Variants in LRP1B observed in about 807,000 individuals in gnomAD.
LRP1B encodes low-density lipoprotein receptor-related protein 1B.
LRP1B carries 217 observed loss-of-function variants against 556.6 expected under a neutral mutation model. The ratio of observed to expected loss-of-function variants is 0.39; its 90% confidence interval spans 0.35 to 0.44. The LOEUF (loss-of-function observed/expected upper bound fraction) is 0.44. LRP1B is among the 20% of genes least tolerant of loss of function. The pLI, the probability that LRP1B is intolerant of heterozygous loss-of-function variation, is 1.00. For synonymous variants in LRP1B, 2,047 were observed against 1,865.8 expected, an observed-to-expected ratio of 1.10 and a Z score of -2.50; for missense variants, 5,053 against 5,620.8, an observed-to-expected ratio of 0.90 and a Z score of 3.23.
chr2:141,780,757 G>T (rs1360031951), intron 2 of LRP1B, among the ~76,000 whole-genome samples: 1 of 152,100 alleles, frequency 6.6e-6, no homozygotes, highest in African/African-American at 2.4e-5. Flanking sequence ...AGATTCATTT[G>T]AATTAGCAAA....
At chr2:141,895,299 A>T (rs1699419478) in intron 1 of LRP1B, among the ~76,000 whole-genome samples, 1 of 152,184 alleles carries the variant, frequency 6.6e-6, no homozygotes, top group Non-Finnish European at 1.5e-5. Flanking sequence ...TCCATGACAT[A>T]GCAGTCAGGC....
At chr2:140,931,543 G>GT (rs1192203757) in intron 20 of LRP1B, among the ~76,000 whole-genome samples, 2 of 152,048 alleles carry the variant, frequency 1.3e-5, no homozygotes, top group African/African-American at 4.8e-5. Context: ...AGTTAGAAAA[G>GT]TTTAATAGAA....
intron 6 of LRP1B, among the ~76,000 whole-genome samples, chr2:141,217,527 G>A (rs936452548): frequency 1.3e-5 from 2 of 152,182 alleles, no homozygotes; most frequent in East Asian, 1.9e-4. Flanking sequence ...GAGAAAACCA[G>A]CTAACCATAT....
intron 66 of LRP1B, among the ~76,000 whole-genome samples, chr2:140,398,019 C>T (rs565583410): frequency 3.9e-5 from 6 of 152,138 alleles, no homozygotes; most frequent in East Asian, 1.9e-4. Flanking sequence ...ACTTTTCTCA[C>T]GTAAGATGAA....
At chr2:142,107,639 T>C in intron 1 of LRP1B, among the ~76,000 whole-genome samples, 1 of 151,984 alleles carries the variant, frequency 6.6e-6, no homozygotes, top group African/African-American at 2.4e-5. Context: ...TTTTGTTTTG[T>C]TGTTTTGAGA....
intron 7 of LRP1B, among the ~76,000 whole-genome samples, chr2:141,103,966 T>C (rs1281498633): frequency 2.0e-5 from 3 of 152,040 alleles, no homozygotes; most frequent in African/African-American, 7.2e-5. Flanking sequence ...CTCCATGTTT[T>C]TCACGTTCGA....
chr2:140,552,354 A>G (rs1680576387), intron 43 of LRP1B, among the ~76,000 whole-genome samples: 1 of 152,166 alleles, frequency 6.6e-6, no homozygotes, highest in Non-Finnish European at 1.5e-5. Context: ...AGAAGCCATT[A>G]TAACAACCTT....
chr2:141,949,962 A>G (rs895136499), intron 1 of LRP1B, among the ~76,000 whole-genome samples: 4 of 152,142 alleles, frequency 2.6e-5, no homozygotes, highest in East Asian at 1.9e-4. Context: ...AATTCAGCAA[A>G]TTCAAGGTTG....
In LRP1B at chr2:140,715,979, T is replaced by C; in HGVS notation, c.6017A>G (p.Glu2006Gly). The stretch of plus-strand genomic sequence containing the variant: ...ACGTAAATCTTAAAATTACCCTTTC[T>C]CTGGGTGCACAGCTATAGATCTTGG... ...DQPRSIAVHP[E>G]KGLLFWTEWG... The change falls in exon 37 of 91, where the codon GAG (glutamate) becomes GGG (glycine). Residue 2006 changes from glutamate (E) to glycine (G), a missense_variant. This residue lies in a region of LRP1B where 3,619 missense variants were observed against 3,931.9 expected (regional missense o/e 0.92). Coordinates refer to ENST00000389484, the MANE Select transcript of LRP1B (RefSeq NM_018557.3). 1 of 1,576,830 alleles carries C rather than the reference T, an allele frequency of 6.3e-7. No homozygotes were observed. Among genetic ancestry groups the C allele is most frequent in the Non-Finnish European group, 8.6e-7 (1 of 1,160,058 alleles).
At chr2:141,108,669 A>G (rs1343181054) in intron 7 of LRP1B, among the ~76,000 whole-genome samples, 1 of 152,024 alleles carries the variant, frequency 6.6e-6, no homozygotes, top group African/African-American at 2.4e-5. Context: ...TTTATAATCT[A>G]AACATATTTA....
chr2:140,756,770 T>G (rs1333920735), intron 35 of LRP1B, among the ~76,000 whole-genome samples: 1 of 152,154 alleles, frequency 6.6e-6, no homozygotes, highest in Admixed American at 6.6e-5. Context: ...AATGGTTTCT[T>G]AGATATGATA....
At chr2:141,118,233 A>C (rs992786275) in intron 7 of LRP1B, among the ~76,000 whole-genome samples, 6 of 151,922 alleles carry the variant, frequency 3.9e-5, no homozygotes, top group Admixed American at 2.0e-4. Context: ...ATTATTTTAT[A>C]GATAAAGGAA....
chr2:141,840,420 C>T (rs759939115), intron 1 of LRP1B, among the ~76,000 whole-genome samples: 2 of 151,774 alleles, frequency 1.3e-5, no homozygotes, highest in Non-Finnish European at 2.9e-5. Context: ...CCCGCCACTA[C>T]GCCCAGCTAA....
In LRP1B at chr2:140,743,993, T is replaced by TAAAAAAAAAA. The variant is rs1297190080; in HGVS notation, c.5758+25219_5758+25220insTTTTTTTTTT. Among the ~76,000 whole-genome samples, 17 of 7,172 alleles carry TAAAAAAAAAA rather than the reference T, an allele frequency of 2.4e-3. 8 individuals are homozygous for TAAAAAAAAAA. The highest frequency in any genetic ancestry group is 3.7e-3 in the Non-Finnish European group (10 of 2,694). 4.7% of individuals were successfully genotyped at this position (7,172 alleles called of 152,430 possible). A position where few individuals can be genotyped will look rare whatever the true frequency, so the allele number is the denominator to read the frequency against. On this transcript the variant is annotated intron_variant, in intron 35 of 90. Transcript: ENST00000389484. ...AAAAAAAAAAAAAAAAAAAAAAAAGTAAAAAGTAAAATCCATAGACATAGA... is the reference window on the plus strand; with the variant it reads ...AAAAAAAAAAAAAAAAAAAAAAAAGTAAAAAAAAAAAAAAAGTAAAATCCATAGACATAGA...
chr2:141,274,016 T>G (rs1041804719), intron 3 of LRP1B, among the ~76,000 whole-genome samples: 5 of 152,184 alleles, frequency 3.3e-5, no homozygotes, highest in Admixed American at 6.5e-5. Context: ...AACAAAATAC[T>G]ACCTCACACC....
intron 49 of LRP1B, among the ~76,000 whole-genome samples, chr2:140,524,041 C>CT (rs1558942255): frequency 1.3e-5 from 2 of 151,418 alleles, no homozygotes; most frequent in Non-Finnish European, 3.0e-5. Context: ...TAAACAGGTA[C>CT]CCTGGGAGAA....
chr2:140,686,944 G>C (rs1686071278), intron 41 of LRP1B, among the ~76,000 whole-genome samples: 1 of 152,028 alleles, frequency 6.6e-6, no homozygotes, highest in Non-Finnish European at 1.5e-5. Flanking sequence ...ATGGAATGTG[G>C]TCATCACAGA....
At chr2:140,856,738 TAC>T (rs57220779) in intron 27 of LRP1B, among the ~76,000 whole-genome samples, 6,367 of 148,294 alleles carry the variant, frequency 0.043, 307 homozygotes, top group African/African-American at 0.12. Context: ...CTAAGAGAGA[TAC>T]ACACACACAC....
At chr2:140,453,108 A>G in intron 62 of LRP1B, among the ~76,000 whole-genome samples, 1 of 151,830 alleles carries the variant, frequency 6.6e-6, no homozygotes. Context: ...GTATGAGAAC[A>G]TCAGGTCTCC....
Sources: allele counts gnomAD v4.1 joint callset (sites outside exome capture counted in the v4.1 genomes callset), GRCh38; gene constraint gnomAD v4.1.1; regional missense constraint gnomAD v4.1.1; transcripts MANE v1.5; gene names NCBI Gene and HGNC (gene_info 2026-07-23, HGNC 2026-07-21).